SYDE2: variants seen among roughly 807,000 people sequenced by gnomAD.
SYDE2 encodes the protein synapse defective Rho GTPase homolog 2.
In SYDE2, 76 loss-of-function variants were observed where a neutral mutation model predicts 91.5. The observed-to-expected ratio is 0.83, with a 90% CI of 0.69 to 1.01. The LOEUF (loss-of-function observed/expected upper bound fraction) is 1.01. Ranked by LOEUF, SYDE2 falls within the 50% of genes least tolerant of loss-of-function variation. The pLI, the probability that SYDE2 is intolerant of heterozygous loss-of-function variation, is 0.00. For missense variants in SYDE2, 1,364 were observed against 1,367.7 expected, an observed-to-expected ratio of 1.00 and a Z score of 0.04; for synonymous variants, 513 against 506.4, an observed-to-expected ratio of 1.01 and a Z score of -0.18.
downstream of SYDE2, among the ~76,000 whole-genome samples, chr1:85,155,490 T>TA (rs374745850): frequency 0.021 from 3,176 of 151,608 alleles, 90 homozygotes; most frequent in African/African-American, 0.074. Flanking sequence ...AGATTTTTTT[T>TA]AAAAAAAAAG....
At position 85,162,672 on chromosome 1, in the gene SYDE2, C is replaced by T. The variant is rs923562012; in HGVS notation, c.3085+1854G>A. On this transcript the variant is annotated intron_variant, in intron 6 of 6. Coordinates refer to ENST00000341460, the MANE Select transcript of SYDE2 (RefSeq NM_032184.2). Reference sequence around the variant, plus strand: ...ATCTGAACCTGCTTTTTCTATAACACAAGATATACATTAAGTTTCTTCTCT... The same window carrying T: ...ATCTGAACCTGCTTTTTCTATAACATAAGATATACATTAAGTTTCTTCTCT... Among the ~76,000 whole-genome samples, 10 of 152,220 alleles carry T rather than the reference C, an allele frequency of 6.6e-5. 1 individual carries two copies. The highest frequency in any genetic ancestry group is 2.0e-4 in the Admixed American group (3 of 15,288).
At position 85,158,708 on chromosome 1, in the gene SYDE2, A is replaced by T. The variant is rs1656951615; in HGVS notation, c.*42T>A. 1.5e-6 allele frequency: 1 copy of T among 666,496 alleles called. No homozygotes were observed. Among genetic ancestry groups the T allele is most frequent in the African/African-American group, 1.8e-5 (1 of 54,540 alleles). The allele number at this position is 666,496 out of a possible 1,614,324, so 41.3% of individuals were successfully genotyped here. On this transcript the variant is annotated 3_prime_UTR_variant, in exon 7 of 7. Coordinates refer to ENST00000341460, the MANE Select transcript of SYDE2 (RefSeq NM_032184.2). ...TGGTATAAGAAAATAAAACAAAAAC[A>T]GATTTGAAACTTTAAGACATTACAA... is the stretch of plus-strand genomic sequence containing the variant.
At chr1:85,163,019 C>A (rs986445501) in intron 6 of SYDE2, among the ~76,000 whole-genome samples, 1 of 152,002 alleles carries the variant, frequency 6.6e-6, no homozygotes, top group African/African-American at 2.4e-5. Flanking sequence ...AAATAACATT[C>A]TAATTCAGTT....
intron 4 of SYDE2, 34 bp from the exon 5 acceptor site, chr1:85,169,259 G>C (rs1657411256): frequency 1.3e-6 from 2 of 1,523,394 alleles, no homozygotes; most frequent in Non-Finnish European, 1.8e-6. Context: ...GTTGGTGATT[G>C]GACTGCAGAG....
intron 4 of SYDE2, among the ~76,000 whole-genome samples, chr1:85,169,576 G>A (rs1657424943): frequency 6.6e-6 from 1 of 152,066 alleles, no homozygotes; most frequent in Non-Finnish European, 1.5e-5. Context: ...AAGAAAGCAA[G>A]GCATATTTAT....
Position 85,182,358 on chromosome 1 carries a change from C to T in SYDE2, c.2284G>A (p.Gly762Arg), listed in dbSNP as rs765216040. 2.5e-6 allele frequency: 4 copies of T among 1,613,824 alleles called. No homozygotes were observed. The highest frequency in any genetic ancestry group is 1.7e-5 in the Admixed American group (1 of 60,010). Reference sequence around the variant, plus strand: ...AATAAGGTGGGAAGAACAACAGTTCCATGACAACAAACTCGATTTTTTCTT... The same window carrying T: ...AATAAGGTGGGAAGAACAACAGTTCTATGACAACAAACTCGATTTTTTCTT... ...TPRKNRVCCH[G>R]TVVLPTLFRV... Residue 762 changes from glycine (G) to arginine (R), a missense_variant, in exon 3 of 7, where the codon GGA (glycine) becomes AGA (arginine). Transcript: ENST00000341460.
chr1:85,192,251 T>C (rs1393841034), intron 1 of SYDE2, among the ~76,000 whole-genome samples: 2 of 151,620 alleles, frequency 1.3e-5, no homozygotes, highest in African/African-American at 4.9e-5. Context: ...CTACAAAAAA[T>C]TTAAAAATTA....
intron 2 of SYDE2, among the ~76,000 whole-genome samples, chr1:85,187,092 G>A (rs888345811): frequency 7.2e-5 from 11 of 151,954 alleles, no homozygotes; most frequent in African/African-American, 2.4e-4. Context: ...TACAAAATGG[G>A]AGAAAATTTT....
chr1:85,166,419 A>G (rs1419853049), intron 5 of SYDE2, among the ~76,000 whole-genome samples: 1 of 151,932 alleles, frequency 6.6e-6, no homozygotes, highest in African/African-American at 2.4e-5. Context: ...TTATTTAAAG[A>G]AAAATCAAAA....
chr1:85,192,841 G>A (rs1658426393), intron 1 of SYDE2, among the ~76,000 whole-genome samples: 1 of 152,086 alleles, frequency 6.6e-6, no homozygotes, highest in East Asian at 1.9e-4. Flanking sequence ...ACCACACGAT[G>A]CTACCCATAC....
rs1484296978 is a variant in SYDE2, at chr1:85,161,200, CCTTAT to C, written c.3086-1956_3086-1952del. ...ATAAGTACTAAGAAACTTAATTTTT[CCTTAT>C]CTTGTTTTCTACCAGTAGATTTGTT... On this transcript the variant is annotated intron_variant, in intron 6 of 6. Transcript: ENST00000341460. 7.3e-6 allele frequency: 5 copies of C among 689,644 alleles called. No homozygotes were observed. In the African/African-American group the frequency reaches 7.8e-5, roughly 11 times the overall value. The allele number at this position is 689,644 out of a possible 1,614,324, so 42.7% of individuals were successfully genotyped here. A position where few individuals can be genotyped will look rare whatever the true frequency, so the allele number is the denominator to read the frequency against.
At position 85,157,282 on chromosome 1, in the gene SYDE2, A is replaced by T. The variant is rs1035500302; in HGVS notation, c.*1468T>A. 1 of 152,096 alleles carries T rather than the reference A, an allele frequency of 6.6e-6. No homozygotes were observed. The highest frequency in any genetic ancestry group is 1.5e-5 in the Non-Finnish European group (1 of 67,940). 9.4% of individuals were successfully genotyped at this position (152,096 alleles called of 1,614,324 possible). A position where few individuals can be genotyped will look rare whatever the true frequency, so the allele number is the denominator to read the frequency against. On this transcript the variant is annotated 3_prime_UTR_variant, in exon 7 of 7. Coordinates refer to ENST00000341460, the MANE Select transcript of SYDE2 (RefSeq NM_032184.2). The stretch of plus-strand genomic sequence containing the variant: ...CATATTCTGTAGATATAAAAGTTAA[A>T]AAAATACATTTTGATTTAATACAAA...
chr1:85,167,950 C>T (rs2100651998), intron 5 of SYDE2, among the ~76,000 whole-genome samples: 1 of 152,054 alleles, frequency 6.6e-6, no homozygotes, highest in South Asian at 2.1e-4. Flanking sequence ...CCCGTCTCTA[C>T]TGAAAATACA....
intron 4 of SYDE2, among the ~76,000 whole-genome samples, chr1:85,170,744 A>G (rs533145827): frequency 1.2e-4 from 18 of 152,230 alleles, no homozygotes; most frequent in African/African-American, 4.1e-4. Flanking sequence ...CAGGCCATAG[A>G]GAGCTTCCTT....
chr1:85,187,386 G>A (rs1219974764), intron 2 of SYDE2, among the ~76,000 whole-genome samples: 1 of 152,026 alleles, frequency 6.6e-6, no homozygotes, highest in Non-Finnish European at 1.5e-5. Flanking sequence ...GAGAGGATGT[G>A]GAGAAATAGG....
chr1:85,169,018 G>A (rs2100653236), intron 5 of SYDE2, 26 bp downstream of exon 5: 1 of 1,609,692 alleles, frequency 6.2e-7, no homozygotes, highest in African/African-American at 1.3e-5. Context: ...TGGCTTTCAG[G>A]AAAAATGTAT....
chr1:85,160,867 C>T (rs954878223), intron 6 of SYDE2: 36 of 985,208 alleles, frequency 3.7e-5, no homozygotes, highest in South Asian at 4.7e-5. Context: ...TGTTGCCAGT[C>T]GCTTAGAGTT....
rs549757340 is a variant in SYDE2 at position 85,172,562 on chromosome 1, A to T, written c.2672-3337T>A. Among the ~76,000 whole-genome samples, 9 of 152,262 alleles carry T rather than the reference A, an allele frequency of 5.9e-5. No individual in the cohort carries two copies. In the South Asian group the frequency reaches 1.9e-3, roughly 32 times the overall value. On this transcript the variant is annotated intron_variant, in intron 4 of 6. Coordinates refer to ENST00000341460, the MANE Select transcript of SYDE2 (RefSeq NM_032184.2). ...TACCTTCCTGCTTGCAACAACTGAAAATGCCAGACAAAATATCTGACAATA... is the reference window on the plus strand; with the variant it reads ...TACCTTCCTGCTTGCAACAACTGAATATGCCAGACAAAATATCTGACAATA...
chr1:85,179,681 T>C (rs1249573597), intron 3 of SYDE2, among the ~76,000 whole-genome samples: 1 of 152,108 alleles, frequency 6.6e-6, no homozygotes, highest in African/African-American at 2.4e-5. Context: ...AGTAGAAATG[T>C]AGACAGTTCA....
Sources: gnomAD v4.1 joint callset for allele counts (sites outside exome capture counted in the v4.1 genomes callset) on GRCh38, gnomAD v4.1.1 for gene constraint, MANE v1.5 for transcripts, NCBI Gene and HGNC (gene_info 2026-07-23, HGNC 2026-07-21) for gene names.